BRCA2: variants seen among roughly 807,000 people sequenced by gnomAD.
BRCA2 encodes BRCA2 DNA repair associated.
BRCA2 carries 203 observed loss-of-function variants against 276.7 expected under a neutral mutation model. The observed-to-expected ratio is 0.73, with a 90% confidence interval of 0.65 to 0.82. BRCA2 has a LOEUF of 0.82. BRCA2 is among the 40% of genes least tolerant of loss of function. BRCA2 has a pLI of 0.00. For missense variants in BRCA2, 3,920 were observed against 3,915.0 expected, an observed-to-expected ratio of 1.00 and a Z score of -0.03; for synonymous variants, 1,289 against 1,338.4, an observed-to-expected ratio of 0.96 and a Z score of 0.81.
intron 21 of BRCA2, among the ~76,000 whole-genome samples, chr13:32,378,985 T>C (rs541179072): frequency 6.6e-6 from 1 of 152,280 alleles, no homozygotes; most frequent in South Asian, 2.1e-4. Context: ...TGGACTGTTG[T>C]GAAGATTAAA....
intron 24 of BRCA2, among the ~76,000 whole-genome samples, chr13:32,391,781 T>TA (rs796667824): frequency 2.0e-4 from 31 of 152,364 alleles, no homozygotes; most frequent in African/African-American, 7.2e-4. Context: ...CTAAAAGTGT[T>TA]ACACTAAAAA....
intron 10 of BRCA2, among the ~76,000 whole-genome samples, chr13:32,335,548 AAG>A (rs1468429081): frequency 1.3e-5 from 2 of 152,232 alleles, no homozygotes; most frequent in African/African-American, 4.8e-5. Context: ...TTCAATGTGA[AAG>A]AATTAAGAAA....
intron 24 of BRCA2, among the ~76,000 whole-genome samples, chr13:32,381,336 A>G (rs1359919184): frequency 6.6e-6 from 1 of 152,200 alleles, no homozygotes; most frequent in South Asian, 2.1e-4. Context: ...ATACATGTGT[A>G]TAGTTTTTTT....
Position 32,337,038 on chromosome 13 carries a change from G to T in BRCA2, c.2683G>T (p.Ala895Ser), listed in dbSNP as rs786203045. 14 of 1,599,332 alleles carry T rather than the reference G, an allele frequency of 8.8e-6. No individual in the cohort carries two copies. Among genetic ancestry groups the T allele is most frequent in the African/African-American group, 2.7e-5 (2 of 74,156 alleles). The change falls in exon 11 of 27, where the codon GCT (alanine) becomes TCT (serine). Residue 895 changes from alanine (A) to serine (S), a missense_variant. Ala to Ser is a moderately conservative substitution (Grantham distance 99). Coordinates refer to ENST00000380152, the MANE Select transcript of BRCA2 (RefSeq NM_000059.4). ...TGAGAATAATTTTGTCTTCCAAGTA[G>T]CTAATGAAAGGAATAATCTTGCTTT... Reference protein sequence around the residue: ...DNENNFVFQVANERNNLALGN... With the variant: ...DNENNFVFQVSNERNNLALGN...
intron 20 of BRCA2, among the ~76,000 whole-genome samples, chr13:32,372,780 T>C (rs2072843292): frequency 6.6e-6 from 1 of 152,178 alleles, no homozygotes; most frequent in Non-Finnish European, 1.5e-5. Context: ...ATTCCAGCAT[T>C]AACTCAAAAG....
chr13:32,366,715 T>G (rs376524150), intron 18 of BRCA2, among the ~76,000 whole-genome samples: 4 of 151,730 alleles, frequency 2.6e-5, no homozygotes, highest in Non-Finnish European at 4.4e-5. Context: ...CCAGCTACTG[T>G]GGAGGCTGAG....
chr13:32,335,425 G>T (rs1440704660), intron 10 of BRCA2, among the ~76,000 whole-genome samples: 1 of 151,964 alleles, frequency 6.6e-6, no homozygotes, highest in Non-Finnish European at 1.5e-5. Context: ...AATTCAGAGG[G>T]TCAAGAAATT....
chr13:32,398,099 TTTGA>T, intron 26 of BRCA2, 59 bp from the exon 27 acceptor site: 1 of 1,522,528 alleles, frequency 6.6e-7, no homozygotes, highest in Non-Finnish European at 8.9e-7. Flanking sequence ...GAAAAGTTAC[TTTGA>T]TTTAGTTTTT....
At chr13:32,344,432 T>C (rs982134558) in intron 11 of BRCA2, 126 bp from the exon 12 acceptor site, 1 of 617,326 alleles carries the variant, frequency 1.6e-6, no homozygotes. Context: ...CACTATTTGT[T>C]GTAAGTATTT....
Position 32,319,228 on chromosome 13 carries a change from G to A in BRCA2, c.219G>A (p.Gln73=), listed in dbSNP as rs1555280385. The change falls in exon 3 of 27, where the codon CAG becomes CAA. Residue 73 remains glutamine (Q), a synonymous_variant. Coordinates refer to ENST00000380152, the MANE Select transcript of BRCA2 (RefSeq NM_000059.4). The stretch of plus-strand genomic sequence containing the variant: ...CACAAAGGAAACCATCTTATAATCA[G>A]CTGGCTTCAACTCCAATAATATTCA... ...KTPQRKPSYN[Q]LASTPIIFKE... is the part of the protein sequence containing the mutation. 1.2e-6 allele frequency: 2 copies of A among 1,613,630 alleles called. No homozygotes were observed. The highest frequency in any genetic ancestry group is 1.7e-6 in the Non-Finnish European group (2 of 1,179,678).
chr13:32,364,363 AT>A (rs1220846217), intron 18 of BRCA2, among the ~76,000 whole-genome samples: 1 of 152,154 alleles, frequency 6.6e-6, no homozygotes, highest in Non-Finnish European at 1.5e-5. Context: ...CCAAGAGGCA[AT>A]CGTTTCCAGT....
At chr13:32,367,591 A>G (rs2072793106) in intron 18 of BRCA2, among the ~76,000 whole-genome samples, 1 of 126,890 alleles carries the variant, frequency 7.9e-6, no homozygotes, top group Non-Finnish European at 1.7e-5. Context: ...ACTCAGGAGT[A>G]TGAGACCAGC....
chr13:32,322,355 G>T (rs1345597951), intron 3 of BRCA2, among the ~76,000 whole-genome samples: 1 of 152,206 alleles, frequency 6.6e-6, no homozygotes, highest in African/African-American at 2.4e-5. Context: ...CAGAAATATA[G>T]CGGTGTGGAG....
At position 32,333,157 on chromosome 13, in the gene BRCA2, A is replaced by G. The variant is rs2137473834; in HGVS notation, c.1679A>G (p.Asn560Ser). 2 of 1,614,142 alleles carry G rather than the reference A, an allele frequency of 1.2e-6. No homozygotes were observed. The highest frequency in any genetic ancestry group is 1.7e-6 in the Non-Finnish European group (2 of 1,180,000). The change falls in exon 10 of 27, where the codon AAT (asparagine) becomes AGT (serine). Residue 560 changes from asparagine to serine, a missense_variant. By Grantham distance (46) the Asn-to-Ser change is conservative. Around this residue, in one of 2 missense-constraint regions of BRCA2, gnomAD observed 3,263 missense variants for 3,156.9 expected, o/e 1.03. Transcript: ENST00000380152. Reference protein sequence around the residue: ...EDSLCPNLIDNGSWPATTTQN... With the variant: ...EDSLCPNLIDSGSWPATTTQN... ...TCCTTATGTCCAAATTTAATTGATA[A>G]TGGAAGCTGGCCAGCCACCACCACA...
intron 20 of BRCA2, among the ~76,000 whole-genome samples, chr13:32,373,397 T>C (rs531385967): frequency 6.6e-6 from 1 of 151,808 alleles, no homozygotes; most frequent in Admixed American, 6.6e-5. Context: ...TCCCAGCTAT[T>C]CCAGAGGCTG....
rs1003470941 is a variant in BRCA2 at position 32,340,238 on chromosome 13, T to C, written c.5883T>C (p.Ser1961=). 3.1e-6 allele frequency: 5 copies of C among 1,613,872 alleles called. No homozygotes were observed. The highest frequency in any genetic ancestry group is 2.7e-5 in the African/African-American group (2 of 74,916). The part of the protein sequence containing the change: ...SLETSDICKC[S]IGKLHKSVSS... ...AAACTTCAGATATATGTAAATGTAG[T>C]ATAGGGAAGCTTCATAAGTCAGTCT... Residue 1961 remains serine, a synonymous_variant, in exon 11 of 27, where the codon AGT becomes AGC. Transcript: ENST00000380152.
At chr13:32,385,662 A>G (rs1453778673) in intron 24 of BRCA2, 3 of 226,728 alleles carry the variant, frequency 1.3e-5, no homozygotes, top group South Asian at 1.5e-4. Context: ...TTCATCTTCA[A>G]TCTGCTGTGG....
intron 24 of BRCA2, among the ~76,000 whole-genome samples, chr13:32,387,176 G>A (rs758319320): frequency 1.3e-5 from 2 of 152,118 alleles, no homozygotes; most frequent in African/African-American, 2.4e-5. Flanking sequence ...CCCAGGTGCC[G>A]AGGCAAGAGA....
chr13:32,328,451 A>G (rs537805548), intron 7 of BRCA2, among the ~76,000 whole-genome samples: 7 of 152,236 alleles, frequency 4.6e-5, no homozygotes, highest in Non-Finnish European at 8.8e-5. Context: ...TGGGTTGGCC[A>G]GGGTGGTCTT....
Sources: allele counts gnomAD v4.1 joint callset (sites outside exome capture counted in the v4.1 genomes callset), GRCh38; gene constraint gnomAD v4.1.1; regional missense constraint gnomAD v4.1.1; transcripts MANE v1.5; gene names NCBI Gene and HGNC (gene_info 2026-07-23, HGNC 2026-07-21).